Variants in DOCK1 observed in about 807,000 individuals in gnomAD.
The protein encoded by DOCK1 is dedicator of cytokinesis 1, also known as dedicator of cytokinesis protein 1.
Under a neutral mutation model 262.7 loss-of-function variants are expected in DOCK1, and 138 were observed. That is an observed-to-expected ratio of 0.53 (90% CI 0.46 to 0.61). DOCK1 has a LOEUF of 0.61. Among genes scored for constraint, DOCK1 ranks in the 20% least tolerant of loss-of-function variants. DOCK1 has a pLI of 0.00. For missense variants in DOCK1, 1,908 were observed against 2,370.7 expected, an observed-to-expected ratio of 0.80 and a Z score of 4.05; for synonymous variants, 866 against 867.4, an observed-to-expected ratio of 1.00 and a Z score of 0.03.
At chr10:127,318,172 T>G (rs1215943854) in intron 29 of DOCK1, among the ~76,000 whole-genome samples, 6 of 152,202 alleles carry the variant, frequency 3.9e-5, no homozygotes, top group African/African-American at 1.4e-4. Flanking sequence ...GTTGCAAAAT[T>G]TGTTCATTCT....
intron 27 of DOCK1, among the ~76,000 whole-genome samples, chr10:127,131,238 G>T (rs575580362): frequency 6.6e-6 from 1 of 152,118 alleles, no homozygotes; most frequent in African/African-American, 2.4e-5. Flanking sequence ...GAATGGAAGA[G>T]GTAGAACAAA....
At chr10:127,022,804 G>A (rs1377042800) in intron 13 of DOCK1, among the ~76,000 whole-genome samples, 3 of 152,176 alleles carry the variant, frequency 2.0e-5, no homozygotes, top group Non-Finnish European at 2.9e-5. Context: ...TGGATACTGC[G>A]ATAGTCCTTG....
intron 38 of DOCK1, among the ~76,000 whole-genome samples, chr10:127,390,184 T>C (rs2066392526): frequency 6.6e-6 from 1 of 152,146 alleles, no homozygotes; most frequent in South Asian, 2.1e-4. Flanking sequence ...CTTTTCTTTA[T>C]ACATTACTCA....
intron 27 of DOCK1, among the ~76,000 whole-genome samples, chr10:127,150,510 T>C (rs2052385980): frequency 6.6e-6 from 1 of 152,222 alleles, no homozygotes; most frequent in Admixed American, 6.5e-5. Flanking sequence ...TTTCACGACA[T>C]AAGTGGTGCA....
At chr10:127,030,408 T>C (rs1055788085) in intron 16 of DOCK1, among the ~76,000 whole-genome samples, 1 of 152,202 alleles carries the variant, frequency 6.6e-6, no homozygotes, top group South Asian at 2.1e-4. Flanking sequence ...ACTGGACTTC[T>C]GTCCCCAGAT....
At chr10:127,234,803 A>G (rs967640572) in intron 27 of DOCK1, among the ~76,000 whole-genome samples, 3 of 151,874 alleles carry the variant, frequency 2.0e-5, no homozygotes, top group Non-Finnish European at 2.9e-5. Context: ...CTCTGTTTCT[A>G]TATAAGTGTA....
chr10:126,945,993 C>T (rs1175168390), intron 1 of DOCK1, among the ~76,000 whole-genome samples: 3 of 152,166 alleles, frequency 2.0e-5, no homozygotes, highest in African/African-American at 7.2e-5. Context: ...ACGCTCTGGA[C>T]TCTTTTTAAA....
In DOCK1 at chr10:126,950,675, G is replaced by C. The variant is rs1030294673; in HGVS notation, c.47-20027G>C. On this transcript the variant is annotated intron_variant, in intron 1 of 51. Transcript: ENST00000623213. ...AGAGCAAGGCCACATGATGCCTGGA[G>C]GTGGGGCGGCAGCATGCCCTCCTTC... is the stretch of plus-strand genomic sequence containing the variant. 4.7e-3 allele frequency among the ~76,000 whole-genome samples: 714 copies of C among 152,268 alleles called. 30 individuals carry two copies. Among genetic ancestry groups the C allele is most frequent in the Admixed American group, 0.044 (667 of 15,280 alleles).
chr10:127,269,162 C>T (rs2060476205), intron 29 of DOCK1, among the ~76,000 whole-genome samples: 1 of 152,148 alleles, frequency 6.6e-6, no homozygotes, highest in Admixed American at 6.5e-5. Flanking sequence ...AGAAGTCAAG[C>T]CTCGCTGGAG....
At chr10:126,955,108 A>G (rs947018296) in intron 1 of DOCK1, among the ~76,000 whole-genome samples, 2 of 152,098 alleles carry the variant, frequency 1.3e-5, no homozygotes, top group African/African-American at 2.4e-5. Flanking sequence ...TCATCTCCAA[A>G]TGTATCACAG....
At chr10:127,277,540 C>G (rs750459833) in intron 29 of DOCK1, among the ~76,000 whole-genome samples, 3 of 152,040 alleles carry the variant, frequency 2.0e-5, no homozygotes, top group East Asian at 1.9e-4. Context: ...GGTGGATCAC[C>G]TGAGGTCAGG....
intron 1 of DOCK1, among the ~76,000 whole-genome samples, chr10:126,949,985 C>T (rs930649158): frequency 5.3e-5 from 8 of 151,936 alleles, no homozygotes; most frequent in Admixed American, 5.3e-4. Flanking sequence ...ACATTAGCCC[C>T]CCAAAGCAGG....
rs1811756769 is a variant in DOCK1 at position 127,144,723 on chromosome 10, T to C, written c.2847+16959T>C. Among the ~76,000 whole-genome samples the C allele has an allele frequency of 3.3e-5, 5 of 152,224 alleles. No homozygotes were observed. In the South Asian group the frequency reaches 8.3e-4, roughly 25 times the overall value. On this transcript the variant is annotated intron_variant, in intron 27 of 51. Transcript: ENST00000623213. ...CTAATAGTTTAAAATATCAGTGGTT[T>C]GTAGTTAACTGGCTTTTCAACACTT...
chr10:127,404,795 A>G (rs1471271928), intron 40 of DOCK1, among the ~76,000 whole-genome samples: 4 of 152,188 alleles, frequency 2.6e-5, no homozygotes, highest in African/African-American at 9.6e-5. Flanking sequence ...ATCTACCTTC[A>G]GAACTTTTTC....
intron 21 of DOCK1, among the ~76,000 whole-genome samples, chr10:127,045,892 G>T (rs2044316767): frequency 6.6e-6 from 1 of 152,174 alleles, no homozygotes; most frequent in Admixed American, 6.5e-5. Flanking sequence ...GTGCCAAGGG[G>T]TTGCTTTTTG....
chr10:127,014,327 A>C (rs184710267), intron 12 of DOCK1, among the ~76,000 whole-genome samples: 4 of 152,342 alleles, frequency 2.6e-5, no homozygotes, highest in East Asian at 1.9e-4. Flanking sequence ...TGCTTAAGCA[A>C]ATGTCAACCC....
At position 127,255,114 on chromosome 10, in the gene DOCK1, A is replaced by T. The variant is rs75361149; in HGVS notation, c.2950-2221A>T. 6.8e-3 allele frequency among the ~76,000 whole-genome samples: 1,037 copies of T among 152,302 alleles called. 7 individuals carry two copies. The highest frequency in any genetic ancestry group is 0.022 in the African/African-American group (922 of 41,572). On this transcript the variant is annotated intron_variant, in intron 28 of 51. Transcript: ENST00000623213. Reference sequence around the variant, plus strand: ...ATCCTGTGAATAGTCAAACTAAAACATGCAGCCGGGCACAGTGGCTTACAC... The same window carrying T: ...ATCCTGTGAATAGTCAAACTAAAACTTGCAGCCGGGCACAGTGGCTTACAC...
At chr10:127,265,447 C>T (rs2135112677) in intron 29 of DOCK1, among the ~76,000 whole-genome samples, 1 of 152,222 alleles carries the variant, frequency 6.6e-6, no homozygotes, top group Admixed American at 6.5e-5. Flanking sequence ...TGCTTGCAGT[C>T]TGCAAAGGAT....
chr10:126,918,313 G>C (rs552081612), intron 1 of DOCK1, among the ~76,000 whole-genome samples: 12 of 152,304 alleles, frequency 7.9e-5, no homozygotes, highest in African/African-American at 2.9e-4. Flanking sequence ...TGCAGCGGGG[G>C]CTCTGCTGAT....
Sources: gnomAD v4.1 joint callset for allele counts (sites outside exome capture counted in the v4.1 genomes callset) on GRCh38, gnomAD v4.1.1 for gene constraint, MANE v1.5 for transcripts, NCBI Gene and HGNC (gene_info 2026-07-23, HGNC 2026-07-21) for gene names.